HPSE2: variants seen among roughly 807,000 people sequenced by gnomAD.
HPSE2 encodes heparanase 2 (inactive), also known as inactive heparanase-2.
Under a neutral mutation model 60.5 loss-of-function variants are expected in HPSE2, and 38 were observed. The ratio of observed to expected loss-of-function variants is 0.63; its 90% CI spans 0.48 to 0.82. HPSE2 has a LOEUF of 0.82. HPSE2 is among the 40% of genes least tolerant of loss of function. The probability of loss-of-function intolerance (pLI) is 0.00; values close to 1 mark genes in which losing one functional copy is unlikely to be tolerated. For synonymous variants in HPSE2, 295 were observed against 293.2 expected, an observed-to-expected ratio of 1.01 and a Z score of -0.06; for missense variants, 713 against 740.4, an observed-to-expected ratio of 0.96 and a Z score of 0.43.
intron 5 of HPSE2, among the ~76,000 whole-genome samples, chr10:98,719,304 T>G (rs2134242119): frequency 6.6e-6 from 1 of 152,144 alleles, no homozygotes; most frequent in East Asian, 1.9e-4. Flanking sequence ...CTCTGTGGTT[T>G]ATCATGGCTG....
rs531034647 is a variant in HPSE2, at chr10:98,939,826, G to A, written c.611-195770C>T. On this transcript the variant is annotated intron_variant, in intron 3 of 11. Transcript: ENST00000370552. ...ACCTATTCCAAAATTGACCACATAG[G>A]TGGAAGTAAAGCTCTCCTCAGCAAA... is the stretch of plus-strand genomic sequence containing the variant. 2.1e-4 allele frequency among the ~76,000 whole-genome samples: 30 copies of A among 143,514 alleles called. No homozygotes were observed. The East Asian group carries it at 5.7e-3, about 27-fold the overall frequency. The allele number at this position is 143,514 out of a possible 152,430, so 94.2% of individuals were successfully genotyped here. A position where few individuals can be genotyped will look rare whatever the true frequency, so the allele number is the denominator to read the frequency against.
At chr10:99,083,966 C>CT (rs34799799) in intron 3 of HPSE2, among the ~76,000 whole-genome samples, 14,139 of 79,630 alleles carry the variant, frequency 0.18, 2,698 homozygotes, top group African/African-American at 0.44. Flanking sequence ...GTGTGAAAGC[C>CT]TTTTTTTTTT....
intron 9 of HPSE2, among the ~76,000 whole-genome samples, chr10:98,577,554 T>C (rs1179414482): frequency 6.6e-6 from 1 of 152,204 alleles, no homozygotes; most frequent in African/African-American, 2.4e-5. Context: ...CTCATAAATA[T>C]CCCATTTTGT....
chr10:99,273,552 G>A, the HPSE2 span, among the ~76,000 whole-genome samples: 1 of 152,102 alleles, frequency 6.6e-6, no homozygotes, highest in African/African-American at 2.4e-5. Context: ...AGAAAATTGG[G>A]TTCTAAATCT....
chr10:98,767,631 AAT>A (rs925176180), intron 3 of HPSE2, among the ~76,000 whole-genome samples: 4 of 146,286 alleles, frequency 2.7e-5, no homozygotes, highest in African/African-American at 9.9e-5. Context: ...GTTAATATGT[AAT>A]ATTTATTAAT....
intron 2 of HPSE2, among the ~76,000 whole-genome samples, chr10:99,171,167 T>C (rs547580612): frequency 8.8e-4 from 134 of 152,290 alleles, no homozygotes; most frequent in African/African-American, 3.1e-3. Context: ...TATTCATTCT[T>C]ACAAGAGGAC....
rs750825727 is a variant in HPSE2 at position 98,459,696 on chromosome 10, C to T, written c.1657G>A (p.Gly553Arg). Reference protein sequence around the residue: ...NGQPLVMVDDGTLPELKPRPL... With the variant: ...NGQPLVMVDDRTLPELKPRPL... Reference sequence around the variant, plus strand: ...CGGGGCTTCAATTCTGGGAGGGTCCCGTCGTCCACCATCACTAAGGGCTGG... The same window carrying T: ...CGGGGCTTCAATTCTGGGAGGGTCCTGTCGTCCACCATCACTAAGGGCTGG... The change falls in exon 12 of 12, where the codon GGG (glycine) becomes AGG (arginine). Residue 553 changes from glycine (G) to arginine (R), a missense_variant. By Grantham distance (125) the Gly-to-Arg change is moderately radical. Coordinates refer to ENST00000370552, the MANE Select transcript of HPSE2 (RefSeq NM_021828.5). The T allele has an allele frequency of 1.6e-5, 26 of 1,613,874 alleles. No homozygotes were observed. The highest frequency in any genetic ancestry group is 8.9e-5 in the East Asian group (4 of 44,888).
At chr10:98,789,294 T>G (rs957350041) in intron 3 of HPSE2, among the ~76,000 whole-genome samples, 2 of 152,196 alleles carry the variant, frequency 1.3e-5, no homozygotes, top group African/African-American at 4.8e-5. Flanking sequence ...CAGAGACACA[T>G]GCTTGGGACA....
chr10:98,606,626 A>C (rs529734525), intron 9 of HPSE2, among the ~76,000 whole-genome samples: 1 of 152,372 alleles, frequency 6.6e-6, no homozygotes, highest in South Asian at 2.1e-4. Flanking sequence ...TTCAATGCTT[A>C]AAACCAAATC....
chr10:98,610,795 G>A (rs1411744897), intron 9 of HPSE2, among the ~76,000 whole-genome samples: 1 of 152,164 alleles, frequency 6.6e-6, no homozygotes. Context: ...ACACAACCGA[G>A]GTGTCCATGC....
chr10:99,311,160 C>A, the HPSE2 span, among the ~76,000 whole-genome samples: 2 of 152,060 alleles, frequency 1.3e-5, no homozygotes, highest in African/African-American at 4.8e-5. Context: ...ATAAAAAAGT[C>A]TTCTGAGTCA....
intron 2 of HPSE2, among the ~76,000 whole-genome samples, chr10:99,230,661 T>C (rs944281289): frequency 1.4e-4 from 22 of 152,154 alleles, no homozygotes; most frequent in South Asian, 8.3e-4. Context: ...CAGATCTCAT[T>C]GTTCTCAGTG....
intron 3 of HPSE2, among the ~76,000 whole-genome samples, chr10:99,143,230 T>C (rs758484970): frequency 1.3e-5 from 2 of 152,166 alleles, no homozygotes; most frequent in African/African-American, 4.8e-5. Flanking sequence ...TTTCATCTCA[T>C]GCTGTTGGGT....
chr10:99,272,160 A>G, the HPSE2 span, among the ~76,000 whole-genome samples: 1 of 151,914 alleles, frequency 6.6e-6, no homozygotes, highest in African/African-American at 2.4e-5. Flanking sequence ...AATCCCAGCT[A>G]CTCAGGAGGC....
intron 3 of HPSE2, among the ~76,000 whole-genome samples, chr10:98,974,319 T>C (rs1281333871): frequency 7.2e-6 from 1 of 138,780 alleles, no homozygotes; most frequent in Non-Finnish European, 1.6e-5. Context: ...GAAAGATTTG[T>C]AATGCCAAAG....
chr10:98,573,018 C>T (rs526698), intron 9 of HPSE2, among the ~76,000 whole-genome samples: 128,985 of 152,152 alleles, frequency 0.85, 55,985 homozygotes, highest in East Asian at 1. Context: ...CTAAAATACA[C>T]AGATTACAGC....
At chr10:99,028,844 A>G (rs1375949852) in intron 3 of HPSE2, among the ~76,000 whole-genome samples, 2 of 152,196 alleles carry the variant, frequency 1.3e-5, no homozygotes, top group Non-Finnish European at 2.9e-5. Context: ...ACCTACAGTG[A>G]ACTCATTTTT....
chr10:98,615,931 C>T (rs77500673), intron 8 of HPSE2, among the ~76,000 whole-genome samples: 49 of 152,252 alleles, frequency 3.2e-4, no homozygotes, highest in South Asian at 1.7e-3. Flanking sequence ...TTATCTGTCA[C>T]CTCTTCCCCA....
At chr10:99,182,222 C>G (rs1847805851) in intron 2 of HPSE2, among the ~76,000 whole-genome samples, 1 of 152,228 alleles carries the variant, frequency 6.6e-6, no homozygotes, top group Non-Finnish European at 1.5e-5. Flanking sequence ...TTTTCCTCAA[C>G]TCCTCCAAAT....
Sources: gnomAD v4.1 joint callset for allele counts (sites outside exome capture counted in the v4.1 genomes callset) on GRCh38, gnomAD v4.1.1 for gene constraint, MANE v1.5 for transcripts, NCBI Gene and HGNC (gene_info 2026-07-23, HGNC 2026-07-21) for gene names.